XRCC4: variants seen among roughly 807,000 people sequenced by gnomAD.
The protein encoded by XRCC4 is X-ray repair cross complementing 4.
Under a neutral mutation model 39.1 loss-of-function variants are expected in XRCC4, and 28 were observed. The observed-to-expected ratio is 0.72, with a 90% CI of 0.53 to 0.98. XRCC4 has a LOEUF of 0.98. Ranked by LOEUF, XRCC4 falls within the 50% of genes least tolerant of loss-of-function variation. The pLI is 0.00. For synonymous variants in XRCC4, 123 were observed against 126.4 expected, an observed-to-expected ratio of 0.97 and a Z score of 0.18; for missense variants, 350 against 376.4, an observed-to-expected ratio of 0.93 and a Z score of 0.58.
chr5:83,244,805 A>G (rs985347352), intron 6 of XRCC4, among the ~76,000 whole-genome samples: 2 of 152,172 alleles, frequency 1.3e-5, no homozygotes, highest in African/African-American at 4.8e-5. Context: ...TCTTTCAGGA[A>G]GCACAGGCCT....
At chr5:83,194,893 G>A (rs1216830595) in intron 3 of XRCC4, among the ~76,000 whole-genome samples, 1 of 152,050 alleles carries the variant, frequency 6.6e-6, no homozygotes, top group Non-Finnish European at 1.5e-5. Flanking sequence ...CTATAATGTG[G>A]ATATGATAAT....
Position 83,154,704 on chromosome 5 carries a change from A to G in XRCC4, c.316-41066A>G, listed in dbSNP as rs116731850. Among the ~76,000 whole-genome samples the G allele has an allele frequency of 4.1e-3, 624 of 152,250 alleles. 2 individuals are homozygous for G. The highest frequency in any genetic ancestry group is 0.011 in the African/African-American group (476 of 41,568). On this transcript the variant is annotated intron_variant, in intron 3 of 7. Transcript: ENST00000396027. ...AATAGTCTTTCTTTTATTGAACTTGAGCATTTCAAAATTCCAAGAGAAGGA... is the reference window on the plus strand; with the variant it reads ...AATAGTCTTTCTTTTATTGAACTTGGGCATTTCAAAATTCCAAGAGAAGGA...
chr5:83,357,480 G>A (rs1580545586), downstream of XRCC4, among the ~76,000 whole-genome samples: 1 of 152,014 alleles, frequency 6.6e-6, no homozygotes, highest in Non-Finnish European at 1.5e-5. Flanking sequence ...CTGAGGATGC[G>A]ACTATCTTCC....
intron 3 of XRCC4, among the ~76,000 whole-genome samples, chr5:83,145,300 G>A (rs1382371): frequency 0.48 from 73,670 of 152,036 alleles, 18,810 homozygotes; most frequent in African/African-American, 0.63. Context: ...CATTGACTGT[G>A]GCTTTTCTTC....
chr5:83,196,640 C>T (rs994630185), intron 4 of XRCC4, among the ~76,000 whole-genome samples: 3 of 151,368 alleles, frequency 2.0e-5, no homozygotes, highest in African/African-American at 7.3e-5. Context: ...TGTATCCTCA[C>T]TTATAATATA....
intron 6 of XRCC4, among the ~76,000 whole-genome samples, chr5:83,241,703 C>T (rs1752915778): frequency 6.6e-6 from 1 of 152,156 alleles, no homozygotes; most frequent in Non-Finnish European, 1.5e-5. Context: ...CAAATCTTTA[C>T]TAATAGCCTA....
chr5:83,089,421 G>A (rs1364332842), intron 1 of XRCC4, among the ~76,000 whole-genome samples: 3 of 152,088 alleles, frequency 2.0e-5, no homozygotes, highest in Non-Finnish European at 4.4e-5. Flanking sequence ...TTTTCCCCCA[G>A]TGGGGGAATA....
chr5:83,144,930 C>G (rs1252333344), intron 3 of XRCC4, among the ~76,000 whole-genome samples: 2 of 152,164 alleles, frequency 1.3e-5, no homozygotes, highest in African/African-American at 4.8e-5. Context: ...GAGTCTCACT[C>G]TGTTGCCCAG....
intron 3 of XRCC4, among the ~76,000 whole-genome samples, chr5:83,138,834 G>A (rs1483045933): frequency 2.6e-5 from 4 of 151,936 alleles, no homozygotes; most frequent in African/African-American, 9.7e-5. Context: ...CAATGATGGT[G>A]GATTATAGTG....
At chr5:83,226,592 T>C in intron 6 of XRCC4, among the ~76,000 whole-genome samples, 1 of 152,080 alleles carries the variant, frequency 6.6e-6, no homozygotes, top group Non-Finnish European at 1.5e-5. Flanking sequence ...GGGCCCTCTA[T>C]GTGGGATCCA....
rs760180350 is a variant in XRCC4, at chr5:83,275,667, C to T, written c.893+16990C>T. On this transcript the variant is annotated intron_variant, in intron 7 of 7. Coordinates refer to ENST00000396027, the MANE Select transcript of XRCC4 (RefSeq NM_003401.5). The stretch of plus-strand genomic sequence containing the variant: ...GATATATATGAATCTAGAATTCCTG[C>T]GACAAATGAGGTATGGAGATAAAGA... Among the ~76,000 whole-genome samples, 29 of 152,216 alleles carry T rather than the reference C, an allele frequency of 1.9e-4. No homozygotes were observed. In the East Asian group the frequency reaches 2.7e-3, roughly 14 times the overall value.
intron 7 of XRCC4, among the ~76,000 whole-genome samples, chr5:83,347,756 A>T (rs1344491656): frequency 6.6e-6 from 1 of 152,166 alleles, no homozygotes; most frequent in African/African-American, 2.4e-5. Context: ...ATCTTAACTC[A>T]TTCCAGTGTT....
chr5:83,153,038 C>G (rs1748789142), intron 3 of XRCC4, among the ~76,000 whole-genome samples: 1 of 152,154 alleles, frequency 6.6e-6, no homozygotes, highest in South Asian at 2.1e-4. Context: ...TGTCCCATTC[C>G]TAACCCCTGG....
At chr5:83,300,054 G>A (rs1318031401) in intron 7 of XRCC4, among the ~76,000 whole-genome samples, 2 of 152,124 alleles carry the variant, frequency 1.3e-5, no homozygotes, top group Admixed American at 6.5e-5. Flanking sequence ...TGCTTTGTAC[G>A]TACACTATGG....
chr5:83,305,579 A>C (rs301285), intron 7 of XRCC4, among the ~76,000 whole-genome samples: 136,412 of 152,024 alleles, frequency 0.9, 61,258 homozygotes, highest in East Asian at 0.94. Context: ...AAAATTCTGC[A>C]CTACACTATG....
chr5:83,276,157 T>G (rs1754323386), intron 7 of XRCC4, among the ~76,000 whole-genome samples: 2 of 152,188 alleles, frequency 1.3e-5, no homozygotes, highest in South Asian at 4.1e-4. Context: ...TGTGGTACAA[T>G]ACTTCTCAAG....
chr5:83,302,477 C>T (rs1580484938), intron 7 of XRCC4, among the ~76,000 whole-genome samples: 1 of 152,198 alleles, frequency 6.6e-6, no homozygotes, highest in African/African-American at 2.4e-5. Flanking sequence ...TCCCAGGTGA[C>T]ACAATGCCCC....
chr5:83,193,678 T>C (rs1430912606), intron 3 of XRCC4, among the ~76,000 whole-genome samples: 2 of 152,236 alleles, frequency 1.3e-5, no homozygotes, highest in South Asian at 4.1e-4. Flanking sequence ...AAGTGTGGGA[T>C]GAATTCTTTA....
intron 3 of XRCC4, among the ~76,000 whole-genome samples, chr5:83,171,750 C>T (rs1395269523): frequency 6.6e-6 from 1 of 152,110 alleles, no homozygotes; most frequent in Non-Finnish European, 1.5e-5. Context: ...CTAACTTTAT[C>T]CCATCAACTC....
Sources: gnomAD v4.1 joint callset for allele counts (sites outside exome capture counted in the v4.1 genomes callset) on GRCh38, gnomAD v4.1.1 for gene constraint, MANE v1.5 for transcripts, NCBI Gene and HGNC (gene_info 2026-07-23, HGNC 2026-07-21) for gene names.